RARB: variants seen among roughly 807,000 people sequenced by gnomAD.
RARB encodes retinoic acid receptor beta.
Under a neutral mutation model 51.9 loss-of-function variants are expected in RARB, and 17 were observed. That is an observed-to-expected ratio of 0.33 (90% CI 0.22 to 0.49). The LOEUF is 0.49. Ranked by LOEUF, RARB falls within the 20% of genes least tolerant of loss-of-function variation. The pLI, the probability that RARB is intolerant of heterozygous loss-of-function variation, is 0.99. For synonymous variants in RARB, 215 were observed against 195.4 expected (o/e 1.10, Z -0.84); for missense variants, 369 against 550.8 (o/e 0.67, Z 3.30).
chr3:25,292,247 G>A (rs1337059766), intron 5 of RARB, among the ~76,000 whole-genome samples: 2 of 152,142 alleles, frequency 1.3e-5, no homozygotes, highest in Non-Finnish European at 2.9e-5. Flanking sequence ...GCCATTGGAT[G>A]GTGAGATAGC....
At chr3:25,038,036 C>G (rs541760763) in intron 2 of RARB, among the ~76,000 whole-genome samples, 1 of 152,128 alleles carries the variant, frequency 6.6e-6, no homozygotes, top group Admixed American at 6.5e-5. Context: ...GAAAATGAGG[C>G]TCAAATTGCT....
At chr3:24,943,738 C>A (rs887883680) in intron 2 of RARB, among the ~76,000 whole-genome samples, 1 of 152,160 alleles carries the variant, frequency 6.6e-6, no homozygotes, top group Non-Finnish European at 1.5e-5. Flanking sequence ...TTTGCACCTA[C>A]AGATGGATCC....
intron 2 of RARB, among the ~76,000 whole-genome samples, chr3:25,476,785 C>T (rs996753838): frequency 6.6e-6 from 1 of 152,188 alleles, no homozygotes; most frequent in African/African-American, 2.4e-5. Flanking sequence ...CCTGAGGTTG[C>T]AAGTTTCCTG....
chr3:25,300,827 T>C (rs1378152964), intron 5 of RARB, among the ~76,000 whole-genome samples: 1 of 151,800 alleles, frequency 6.6e-6, no homozygotes, highest in African/African-American at 2.4e-5. Flanking sequence ...CTATCTCTAC[T>C]AAAATAAAAT....
chr3:25,237,666 A>G (rs1702335324), intron 5 of RARB, among the ~76,000 whole-genome samples: 1 of 152,116 alleles, frequency 6.6e-6, no homozygotes, highest in South Asian at 2.1e-4. Context: ...GACACCCATC[A>G]TCACTATCTA....
At chr3:25,277,419 A>C (rs1703422129) in intron 5 of RARB, among the ~76,000 whole-genome samples, 2 of 152,206 alleles carry the variant, frequency 1.3e-5, no homozygotes, top group African/African-American at 4.8e-5. Context: ...GGAAAGACAC[A>C]AGTGAAATCG....
chr3:24,926,882 A>G (rs1403103241), intron 2 of RARB, among the ~76,000 whole-genome samples: 1 of 152,094 alleles, frequency 6.6e-6, no homozygotes, highest in Non-Finnish European at 1.5e-5. Flanking sequence ...TCACAAACCA[A>G]ATGTGCTCAT....
intron 5 of RARB, among the ~76,000 whole-genome samples, chr3:25,284,880 GA>G (rs1703612391): frequency 6.6e-6 from 1 of 152,174 alleles, no homozygotes; most frequent in African/African-American, 2.4e-5. Context: ...GCTCGCTGCA[GA>G]CTTGAGTCTG....
chr3:25,496,826 C>A (rs1997352), intron 2 of RARB, among the ~76,000 whole-genome samples: 51,318 of 151,940 alleles, frequency 0.34, 9,683 homozygotes, highest in African/African-American at 0.51. Context: ...TGAAAGAGTA[C>A]CATTACGGTG....
At chr3:24,900,784 G>T (rs889339051) in intron 2 of RARB, among the ~76,000 whole-genome samples, 1 of 152,172 alleles carries the variant, frequency 6.6e-6, no homozygotes, top group African/African-American at 2.4e-5. Context: ...AGCACATTCG[G>T]TTTGAGCAGT....
At chr3:25,253,620 G>T (rs1322855739) in intron 5 of RARB, among the ~76,000 whole-genome samples, 2 of 151,978 alleles carry the variant, frequency 1.3e-5, no homozygotes, top group African/African-American at 4.8e-5. Context: ...ATGGACAGAT[G>T]AATAAACAAC....
At chr3:25,093,977 A>G (rs1699248697) in intron 3 of RARB, among the ~76,000 whole-genome samples, 1 of 152,194 alleles carries the variant, frequency 6.6e-6, no homozygotes, top group Admixed American at 6.5e-5. Context: ...ACCAAATACA[A>G]GATCTGTGTG....
intron 2 of RARB, among the ~76,000 whole-genome samples, chr3:24,959,843 A>C (rs1429442311): frequency 6.6e-6 from 1 of 152,248 alleles, no homozygotes; most frequent in Non-Finnish European, 1.5e-5. Context: ...CTTTGTTTAT[A>C]GTCATCTTAT....
intron 2 of RARB, among the ~76,000 whole-genome samples, chr3:24,963,890 GA>G (rs932695459): frequency 2.9e-4 from 25 of 87,106 alleles, no homozygotes; most frequent in African/African-American, 5.5e-4. Flanking sequence ...CATTTTGGTA[GA>G]AAAAAAAACT....
intron 2 of RARB, among the ~76,000 whole-genome samples, chr3:24,916,601 T>C (rs1243626739): frequency 6.6e-6 from 1 of 151,934 alleles, no homozygotes; most frequent in African/African-American, 2.4e-5. Flanking sequence ...GAGTGATGTT[T>C]CCCAGAAAGC....
intron 2 of RARB, among the ~76,000 whole-genome samples, chr3:25,058,421 A>G (rs1195368742): frequency 6.6e-6 from 1 of 151,804 alleles, no homozygotes; most frequent in Non-Finnish European, 1.5e-5. Flanking sequence ...AAATTGTATA[A>G]AACTTACACA....
intron 3 of RARB, among the ~76,000 whole-genome samples, chr3:25,110,281 A>C (rs1391380399): frequency 6.6e-6 from 1 of 152,218 alleles, no homozygotes; most frequent in Non-Finnish European, 1.5e-5. Context: ...ATAATAATGT[A>C]AAACGAACAT....
chr3:25,074,567 C>A (rs1559456796), intron 3 of RARB, among the ~76,000 whole-genome samples: 1 of 152,074 alleles, frequency 6.6e-6, no homozygotes, highest in African/African-American at 2.4e-5. Context: ...AGTGGTTCAC[C>A]CTTCGAAGCC....
At chr3:25,127,295 G>C (rs967033152) in intron 3 of RARB, among the ~76,000 whole-genome samples, 4 of 152,052 alleles carry the variant, frequency 2.6e-5, no homozygotes, top group Non-Finnish European at 5.9e-5. Context: ...TGTCACTACT[G>C]GGCCTTGCCA....
Sources: allele counts gnomAD v4.1 joint callset (sites outside exome capture counted in the v4.1 genomes callset), GRCh38; gene constraint gnomAD v4.1.1; transcripts MANE v1.5; gene names NCBI Gene and HGNC (gene_info 2026-07-23, HGNC 2026-07-21).